NEGR1: variants seen among roughly 807,000 people sequenced by gnomAD.
The protein encoded by NEGR1 is IgLON family member 4.
In NEGR1, 10 loss-of-function variants were observed where a neutral mutation model predicts 40.9. That is an observed-to-expected ratio of 0.24 (90% CI 0.15 to 0.42). The LOEUF (loss-of-function observed/expected upper bound fraction) is 0.42. Among genes scored for constraint, NEGR1 ranks in the 10% least tolerant of loss-of-function variants. NEGR1 has a pLI of 1.00. For missense variants in NEGR1, 352 were observed against 438.9 expected, an observed-to-expected ratio of 0.80 and a Z score of 1.77; for synonymous variants, 185 against 166.8, an observed-to-expected ratio of 1.11 and a Z score of -0.84.
chr1:72,079,086 AAT>A (rs67575298), intron 1 of NEGR1, among the ~76,000 whole-genome samples: 53,144 of 142,110 alleles, frequency 0.37, 10,605 homozygotes, highest in East Asian at 0.6. Flanking sequence ...CATTTAACAG[AAT>A]ATATATATAT....
At chr1:72,030,698 A>G (rs1248510603) in intron 1 of NEGR1, among the ~76,000 whole-genome samples, 1 of 152,190 alleles carries the variant, frequency 6.6e-6, no homozygotes, top group African/African-American at 2.4e-5. Context: ...ATATAATTGA[A>G]CTTACATGAG....
chr1:72,028,738 CCTT>C, intron 1 of NEGR1, among the ~76,000 whole-genome samples: 1 of 152,308 alleles, frequency 6.6e-6, no homozygotes, highest in African/African-American at 2.4e-5. Context: ...ACTATTCTGA[CCTT>C]CTTCAAATAA....
intron 1 of NEGR1, among the ~76,000 whole-genome samples, chr1:72,122,125 C>A (rs1013566408): frequency 1.3e-5 from 2 of 151,954 alleles, no homozygotes; most frequent in Non-Finnish European, 2.9e-5. Flanking sequence ...TTGTTCAAAT[C>A]AAAAACACCA....
At chr1:72,147,808 C>A (rs906482736) in intron 1 of NEGR1, among the ~76,000 whole-genome samples, 2 of 152,084 alleles carry the variant, frequency 1.3e-5, no homozygotes, top group Non-Finnish European at 2.9e-5. Flanking sequence ...AGGGCCCACA[C>A]AAGTCTGAAA....
intron 2 of NEGR1, chr1:71,798,259 G>A (rs1570360773): frequency 6.6e-6 from 1 of 151,916 alleles, no homozygotes; most frequent in East Asian, 1.9e-4. Flanking sequence ...TTAGCCTAAA[G>A]ACAAACAGCA....
intron 6 of NEGR1, among the ~76,000 whole-genome samples, chr1:71,424,177 A>G (rs1024620175): frequency 1.3e-5 from 2 of 152,162 alleles, no homozygotes; most frequent in African/African-American, 4.8e-5. Flanking sequence ...AATTCAATCA[A>G]TTCAATCATA....
rs577691911 is a variant in NEGR1 at position 72,100,673 on chromosome 1, T to C, written c.177-165362A>G. On this transcript the variant is annotated intron_variant, in intron 1 of 6. Transcript: ENST00000357731. Reference sequence around the variant, plus strand: ...ATTATTTGATGAGTGTCTCATATGATAGGGAACCTCGTCTTCTGAGGGCCA... The same window carrying C: ...ATTATTTGATGAGTGTCTCATATGACAGGGAACCTCGTCTTCTGAGGGCCA... 2.0e-5 allele frequency: 3 copies of C among 152,340 alleles called. No individual in the cohort carries two copies. The South Asian group carries it at 6.2e-4, about 32-fold the overall frequency. 9.4% of individuals were successfully genotyped at this position (152,340 alleles called of 1,614,324 possible). A position where few individuals can be genotyped will look rare whatever the true frequency, so the allele number is the denominator to read the frequency against.
At chr1:72,000,844 C>A (rs1440394037) in intron 1 of NEGR1, among the ~76,000 whole-genome samples, 1 of 152,034 alleles carries the variant, frequency 6.6e-6, no homozygotes, top group East Asian at 1.9e-4. Context: ...AAAGAAAAAA[C>A]CTGACAGGCA....
At chr1:71,880,932 C>A (rs1392708292) in intron 2 of NEGR1, among the ~76,000 whole-genome samples, 1 of 151,866 alleles carries the variant, frequency 6.6e-6, no homozygotes, top group African/African-American at 2.4e-5. Flanking sequence ...TGAAGTTTCA[C>A]GAGAATGATA....
chr1:71,937,148 T>C (rs1645913537), intron 1 of NEGR1, among the ~76,000 whole-genome samples: 1 of 152,120 alleles, frequency 6.6e-6, no homozygotes, highest in Middle Eastern at 3.2e-3. Context: ...CAGAATCTAA[T>C]TTGCAGTCAG....
chr1:71,774,899 T>A (rs1656449837), intron 3 of NEGR1, among the ~76,000 whole-genome samples: 1 of 152,212 alleles, frequency 6.6e-6, no homozygotes, highest in African/African-American at 2.4e-5. Context: ...AATTGACTTA[T>A]AATCTCTTTG....
chr1:72,166,420 G>A (rs1454342356), intron 1 of NEGR1, among the ~76,000 whole-genome samples: 1 of 152,042 alleles, frequency 6.6e-6, no homozygotes, highest in East Asian at 1.9e-4. Context: ...CAATCCTACT[G>A]CTGAGTATAT....
intron 1 of NEGR1, among the ~76,000 whole-genome samples, chr1:72,172,156 A>G (rs1249661482): frequency 1.3e-5 from 2 of 152,172 alleles, no homozygotes; most frequent in African/African-American, 4.8e-5. Flanking sequence ...CAGTATTTTC[A>G]TTTTTTAATA....
At chr1:71,457,523 A>G (rs913039270) in intron 6 of NEGR1, among the ~76,000 whole-genome samples, 1 of 152,164 alleles carries the variant, frequency 6.6e-6, no homozygotes, top group African/African-American at 2.4e-5. Flanking sequence ...AAAAGAGGAA[A>G]CAAGAGAGAC....
At chr1:72,179,824 C>A (rs1652299849) in intron 1 of NEGR1, among the ~76,000 whole-genome samples, 2 of 151,402 alleles carry the variant, frequency 1.3e-5, no homozygotes, top group African/African-American at 4.9e-5. Flanking sequence ...ATAAATTTAA[C>A]CAAGGAAGTG....
chr1:72,189,474 CCT>C (rs1001082302), intron 1 of NEGR1, among the ~76,000 whole-genome samples: 5 of 151,506 alleles, frequency 3.3e-5, no homozygotes, highest in African/African-American at 1.2e-4. Context: ...TGCTGTGGTA[CCT>C]CTGTTCTGAG....
At chr1:71,658,882 T>G (rs1373985481) in intron 4 of NEGR1, among the ~76,000 whole-genome samples, 1 of 152,178 alleles carries the variant, frequency 6.6e-6, no homozygotes, top group Non-Finnish European at 1.5e-5. Context: ...AACTAATTGT[T>G]GAGTAAAACT....
intron 3 of NEGR1, among the ~76,000 whole-genome samples, chr1:71,763,366 A>G (rs2101702663): frequency 6.6e-6 from 1 of 152,246 alleles, no homozygotes; most frequent in East Asian, 1.9e-4. Flanking sequence ...ACTCCTTGTG[A>G]CTAGAGAAGA....
intron 1 of NEGR1, among the ~76,000 whole-genome samples, chr1:72,225,453 C>T (rs1201356718): frequency 1.3e-5 from 2 of 151,408 alleles, no homozygotes; most frequent in Non-Finnish European, 1.5e-5. Context: ...TCATATTTTA[C>T]ATAAAAATTA....
Sources: gnomAD v4.1 joint callset for allele counts (sites outside exome capture counted in the v4.1 genomes callset) on GRCh38, gnomAD v4.1.1 for gene constraint, MANE v1.5 for transcripts, NCBI Gene and HGNC (gene_info 2026-07-23, HGNC 2026-07-21) for gene names.